The following GHR variants were observed in gnomAD, a reference collection of about 807,000 sequenced individuals.
The protein encoded by GHR is growth hormone receptor, also known as GH receptor.
GHR carries 35 observed loss-of-function variants against 67.1 expected under a neutral mutation model. The ratio of observed to expected loss-of-function variants is 0.52; its 90% CI spans 0.40 to 0.69. The LOEUF is 0.69. GHR is among the 30% of genes least tolerant of loss of function. The probability of loss-of-function intolerance (pLI) is 0.00; values close to 1 mark genes in which losing one functional copy is unlikely to be tolerated. For synonymous variants in GHR, 272 were observed against 269.1 expected (o/e 1.01, Z -0.10); for missense variants, 792 against 764.6 (o/e 1.04, Z -0.42).
chr5:42,545,680 A>T (rs978292617), intron 1 of GHR, among the ~76,000 whole-genome samples: 18 of 152,224 alleles, frequency 1.2e-4, no homozygotes, highest in Non-Finnish European at 2.2e-4. Flanking sequence ...TGTCTTACAA[A>T]TACCATCTCA....
chr5:42,545,360 G>GA (rs1282787049), intron 1 of GHR, among the ~76,000 whole-genome samples: 3 of 151,408 alleles, frequency 2.0e-5, no homozygotes, highest in Admixed American at 1.3e-4. Context: ...ATGTTAAATG[G>GA]AAAAAAAATA....
chr5:42,625,511 T>G (rs1753656482), intron 2 of GHR, among the ~76,000 whole-genome samples: 1 of 152,106 alleles, frequency 6.6e-6, no homozygotes, highest in South Asian at 2.1e-4. Flanking sequence ...GACATAGCCC[T>G]CAGGAGGTCC....
intron 1 of GHR, among the ~76,000 whole-genome samples, chr5:42,522,234 G>A (rs186762746): frequency 8.7e-4 from 133 of 152,182 alleles, no homozygotes; most frequent in African/African-American, 3.0e-3. Context: ...GTTGCCTGCC[G>A]AATTTCTGTA....
At chr5:42,695,510 G>A (rs1459475187) in intron 5 of GHR, among the ~76,000 whole-genome samples, 6 of 152,112 alleles carry the variant, frequency 3.9e-5, no homozygotes, top group Admixed American at 3.9e-4. Flanking sequence ...TGTAATCAAA[G>A]CCTAGATTTT....
chr5:42,652,456 G>A (rs1165373550), intron 3 of GHR, among the ~76,000 whole-genome samples: 1 of 152,002 alleles, frequency 6.6e-6, no homozygotes, highest in African/African-American at 2.4e-5. Flanking sequence ...AGCCAAAATT[G>A]GTTACTGTGT....
intron 1 of GHR, among the ~76,000 whole-genome samples, chr5:42,466,367 A>G (rs1414903478): frequency 6.6e-6 from 1 of 152,170 alleles, no homozygotes; most frequent in East Asian, 1.9e-4. Context: ...TTTTCTTTTG[A>G]CTAGCTTTTA....
At chr5:42,597,731 G>C (rs959772703) in intron 2 of GHR, among the ~76,000 whole-genome samples, 2 of 152,184 alleles carry the variant, frequency 1.3e-5, no homozygotes, top group African/African-American at 4.8e-5. Context: ...CCAGGAGGCT[G>C]GGAGGTACTG....
At chr5:42,678,923 A>G (rs1756699627) in intron 3 of GHR, among the ~76,000 whole-genome samples, 1 of 149,344 alleles carries the variant, frequency 6.7e-6, no homozygotes, top group African/African-American at 2.4e-5. Flanking sequence ...AGAACATTTT[A>G]AAACATTTAA....
chr5:42,534,636 C>G (rs2112354888), intron 1 of GHR, among the ~76,000 whole-genome samples: 1 of 152,000 alleles, frequency 6.6e-6, no homozygotes, highest in South Asian at 2.1e-4. Flanking sequence ...GTGCAAGTAT[C>G]TTTTTCTTAT....
intron 1 of GHR, among the ~76,000 whole-genome samples, chr5:42,448,942 G>A (rs1466868293): frequency 1.3e-5 from 2 of 152,130 alleles, no homozygotes; most frequent in East Asian, 3.9e-4. Flanking sequence ...TCAGTTGGCT[G>A]TAAGCATTTG....
At chr5:42,565,719 T>C (rs1366927174) in intron 1 of GHR, 145 bp from the exon 2 acceptor site, 2 of 1,545,152 alleles carry the variant, frequency 1.3e-6, no homozygotes, top group African/African-American at 2.7e-5. Context: ...AATATGAGAC[T>C]CTGGGGCAGT....
intron 8 of GHR, chr5:42,713,901 C>A (rs556128185): frequency 3.7e-4 from 68 of 183,010 alleles, no homozygotes; most frequent in African/African-American, 1.6e-3. Context: ...CTGATACAGT[C>A]CTTATATACA....
chr5:42,645,707 G>A (rs1754695276), intron 3 of GHR, among the ~76,000 whole-genome samples: 1 of 152,200 alleles, frequency 6.6e-6, no homozygotes, highest in South Asian at 2.1e-4. Context: ...TCCCAGGTCA[G>A]GGGCTTGGAG....
intron 1 of GHR, among the ~76,000 whole-genome samples, chr5:42,425,920 C>A (rs1234870608): frequency 6.6e-6 from 1 of 152,152 alleles, no homozygotes; most frequent in Non-Finnish European, 1.5e-5. Flanking sequence ...AAATGAAAGT[C>A]TATAAATGCA....
chr5:42,657,160 T>A (rs531226926), intron 3 of GHR, among the ~76,000 whole-genome samples: 1 of 152,250 alleles, frequency 6.6e-6, no homozygotes, highest in South Asian at 2.1e-4. Flanking sequence ...AGAGATCATC[T>A]CAGTTTAGTG....
chr5:42,602,390 C>G (rs6898743), intron 2 of GHR, among the ~76,000 whole-genome samples: 118,086 of 152,078 alleles, frequency 0.78, 46,479 homozygotes, highest in African/African-American at 0.87. Context: ...TTACCTTTTA[C>G]TGTATGTATG....
intron 1 of GHR, chr5:42,465,331 T>C: frequency 1.3e-6 from 1 of 748,584 alleles, no homozygotes; most frequent in Non-Finnish European, 2.3e-6. Flanking sequence ...AAATAAATCT[T>C]TATTTTCAGT....
At chr5:42,649,725 A>C (rs1032994272) in intron 3 of GHR, among the ~76,000 whole-genome samples, 1 of 152,318 alleles carries the variant, frequency 6.6e-6, no homozygotes, top group South Asian at 2.1e-4. Context: ...TAACTAAGAA[A>C]GAGATGAAAT....
At chr5:42,487,942 TG>T (rs559605664) in intron 1 of GHR, among the ~76,000 whole-genome samples, 1 of 152,350 alleles carries the variant, frequency 6.6e-6, no homozygotes, top group Admixed American at 6.5e-5. Flanking sequence ...CTTTCAGGCT[TG>T]TCTTGGTCAC....
Sources: gnomAD v4.1 joint callset for allele counts (sites outside exome capture counted in the v4.1 genomes callset) on GRCh38, gnomAD v4.1.1 for gene constraint, MANE v1.5 for transcripts, NCBI Gene and HGNC (gene_info 2026-07-23, HGNC 2026-07-21) for gene names.